Variants in AZIN2 observed in about 807,000 individuals in gnomAD.
AZIN2 encodes antizyme inhibitor 2, also known as ODC antizyme inhibitor-2.
In AZIN2, 28 loss-of-function variants were observed where a neutral mutation model predicts 47.8. The ratio of observed to expected loss-of-function variants is 0.59; its 90% CI spans 0.43 to 0.80. The LOEUF (loss-of-function observed/expected upper bound fraction) is 0.80. AZIN2 is among the 30% of genes least tolerant of loss of function. The pLI is 0.00. For missense variants in AZIN2, 535 were observed against 582.5 expected (o/e 0.92, Z 0.84); for synonymous variants, 221 against 239.4 (o/e 0.92, Z 0.71).
chr1:33,102,419 C>T (rs1643772058), intron 10 of AZIN2, among the ~76,000 whole-genome samples: 1 of 152,172 alleles, frequency 6.6e-6, no homozygotes, highest in African/African-American at 2.4e-5. Flanking sequence ...CCAACCTCTC[C>T]AGTCAGGTAC....
the AZIN2 span, chr1:33,165,045 G>T: frequency 2.8e-3 from 433 of 154,546 alleles, 5 homozygotes; most frequent in African/African-American, 0.01. This position sits in a 1 kb window ranked among gnomAD's most constrained non-coding sequence, Gnocchi z 4.0. Context: ...TCTTGCCTCG[G>T]CCTCTGAAGA....
the AZIN2 span, chr1:33,142,940 A>G: frequency 2.0e-5 from 3 of 152,146 alleles, no homozygotes; most frequent in Admixed American, 1.3e-4. Flanking sequence ...CGATGGTTAG[A>G]TAAGGTGTAA....
intron 3 of AZIN2, 26 bp from the exon 4 acceptor site, chr1:33,082,152 T>G: frequency 9.8e-7 from 1 of 1,015,366 alleles, no homozygotes; most frequent in Non-Finnish European, 1.5e-6. Flanking sequence ...CCCCAGCGGT[T>G]CCCTTCATCT....
chr1:33,097,144 G>A (rs1351598637), intron 9 of AZIN2, among the ~76,000 whole-genome samples: 1 of 152,100 alleles, frequency 6.6e-6, no homozygotes, highest in Non-Finnish European at 1.5e-5. Context: ...TACAGATGAG[G>A]AAACCGAGAA....
chr1:33,145,528 TC>T, the AZIN2 span: 2 of 172,448 alleles, frequency 1.2e-5, no homozygotes, highest in Non-Finnish European at 2.5e-5. Flanking sequence ...GGCTGACAAT[TC>T]CTTTTGCCCA....
the AZIN2 span, among the ~76,000 whole-genome samples, chr1:33,157,581 T>C: frequency 4.6e-5 from 7 of 152,102 alleles, no homozygotes; most frequent in Non-Finnish European, 8.8e-5. Flanking sequence ...GTAAGATGCG[T>C]GAGGGCAGGG....
At chr1:33,159,643 G>T in the AZIN2 span, 1 of 1,577,504 alleles carries the variant, frequency 6.3e-7, no homozygotes, top group Non-Finnish European at 8.6e-7. The surrounding 1 kb of genome is among the most constrained non-coding windows in gnomAD (Gnocchi z 4.2). Context: ...CATGGGTCGA[G>T]GAGGGGATGG....
intron 6 of AZIN2, among the ~76,000 whole-genome samples, chr1:33,092,582 G>C (rs1243329539): frequency 6.6e-6 from 1 of 152,214 alleles, no homozygotes; most frequent in African/African-American, 2.4e-5. Flanking sequence ...GCTCCACGGA[G>C]GAAGTGGCAT....
At chr1:33,126,695 C>G (rs904964829), downstream of AZIN2, among the ~76,000 whole-genome samples, 1 of 151,992 alleles carries the variant, frequency 6.6e-6, no homozygotes, top group African/African-American at 2.4e-5. Context: ...GAGCCCCAGG[C>G]AGGGAGGCAC....
chr1:33,119,762 T>G, intron 11 of AZIN2: 1 of 494,574 alleles, frequency 2.0e-6, no homozygotes, highest in East Asian at 3.7e-5. Flanking sequence ...GCCTCCCTCA[T>G]GGGGTTTTTG....
chr1:33,148,180 G>A, the AZIN2 span, among the ~76,000 whole-genome samples: 7 of 152,246 alleles, frequency 4.6e-5, no homozygotes, highest in East Asian at 3.9e-4. Context: ...TAAAGACCAC[G>A]AAATGGACAG....
intron 10 of AZIN2, among the ~76,000 whole-genome samples, chr1:33,114,646 A>G (rs1274471944): frequency 1.1e-5 from 1 of 87,744 alleles, no homozygotes; most frequent in African/African-American, 4.6e-5. Flanking sequence ...AGCCACCGCG[A>G]CCCGCCTTTT....
downstream of AZIN2, among the ~76,000 whole-genome samples, chr1:33,126,080 C>T (rs976941988): frequency 6.6e-6 from 1 of 152,206 alleles, no homozygotes; most frequent in Non-Finnish European, 1.5e-5. Flanking sequence ...CTTTTTCCTC[C>T]ATAGATCACT....
At chr1:33,089,682 C>T (rs1381739534) in intron 5 of AZIN2, among the ~76,000 whole-genome samples, 3 of 152,204 alleles carry the variant, frequency 2.0e-5, no homozygotes, top group African/African-American at 7.2e-5. Context: ...TTGGCTGTGT[C>T]ACCACAGACA....
chr1:33,110,446 G>T (rs1004676339), intron 10 of AZIN2, among the ~76,000 whole-genome samples: 5 of 151,966 alleles, frequency 3.3e-5, no homozygotes, highest in African/African-American at 1.2e-4. Context: ...TTCATATATT[G>T]GAATTATCAG....
At chr1:33,128,203 C>CG (rs1644870465), downstream of AZIN2, among the ~76,000 whole-genome samples, 1 of 83,690 alleles carries the variant, frequency 1.2e-5, no homozygotes, top group South Asian at 4.3e-4. Flanking sequence ...CCCACCTCTC[C>CG]AAAAAAAAAA....
intron 5 of AZIN2, among the ~76,000 whole-genome samples, chr1:33,088,798 T>A (rs1304105038): frequency 6.6e-6 from 1 of 152,200 alleles, no homozygotes; most frequent in Non-Finnish European, 1.5e-5. Flanking sequence ...CAGGGCTCAG[T>A]TTAAATATCT....
the AZIN2 span, chr1:33,164,197 T>C: frequency 6.6e-6 from 1 of 152,262 alleles, no homozygotes; most frequent in Non-Finnish European, 1.5e-5. Context: ...TCTGGAATGT[T>C]CTGTGAAGAA....
the AZIN2 span, chr1:33,147,540 C>T: frequency 1.2e-6 from 2 of 1,613,998 alleles, no homozygotes; most frequent in Non-Finnish European, 1.7e-6. This position sits in a 1 kb window ranked among gnomAD's most constrained non-coding sequence, Gnocchi z 8.1. Flanking sequence ...CCGCCACCAC[C>T]ACCTCCCAGT....
Sources: gnomAD v4.1 joint callset for allele counts (sites outside exome capture counted in the v4.1 genomes callset) on GRCh38, gnomAD v4.1.1 for gene constraint, Gnocchi (gnomAD v3.1) non-coding constraint, MANE v1.5 for transcripts, NCBI Gene and HGNC (gene_info 2026-07-23, HGNC 2026-07-21) for gene names.